Variants in PDZRN3 observed in about 807,000 individuals in gnomAD.
PDZRN3 encodes E3 ubiquitin-protein ligase PDZRN3.
PDZRN3 carries 38 observed loss-of-function variants against 85.7 expected under a neutral mutation model. The ratio of observed to expected loss-of-function variants is 0.44; its 90% CI spans 0.34 to 0.58. The LOEUF (loss-of-function observed/expected upper bound fraction) is 0.58. PDZRN3 is among the 20% of genes least tolerant of loss of function. The pLI, the probability that PDZRN3 is intolerant of heterozygous loss-of-function variation, is 0.01. For missense variants in PDZRN3, 1,629 were observed against 1,506.4 expected (o/e 1.08, Z -1.35); for synonymous variants, 759 against 638.0 (o/e 1.19, Z -2.86).
Position 73,383,932 on chromosome 3 carries a change from C to CTGGGCGTGCGCCGGGATG in PDZRN3, c.2616_2633dup (p.His872_Ala877dup), listed in dbSNP as rs1442818795. The CTGGGCGTGCGCCGGGATG allele has an allele frequency of 6.2e-7, 1 of 1,608,036 alleles. No homozygotes were observed. Among genetic ancestry groups the CTGGGCGTGCGCCGGGATG allele is most frequent in the East Asian group, 2.2e-5 (1 of 44,792 alleles). On this transcript the variant is annotated inframe_insertion, in exon 10 of 10. Transcript: ENST00000263666. ...TCAGCTGCATGTAGCTCTGGTAGTG[C>CTGGGCGTGCGCCGGGATG]TGGGCGTGCGCCGGGATGTGCGCGT...
chr3:73,552,225 AGTGT>A (rs55784793), intron 3 of PDZRN3, among the ~76,000 whole-genome samples: 64,335 of 147,672 alleles, frequency 0.44, 14,369 homozygotes, highest in Admixed American at 0.53. Flanking sequence ...GAATTAAAGG[AGTGT>A]GTGTGTGTGT....
At chr3:73,499,827 C>A (rs1447310054) in intron 3 of PDZRN3, among the ~76,000 whole-genome samples, 5 of 152,096 alleles carry the variant, frequency 3.3e-5, no homozygotes, top group African/African-American at 1.2e-4. Flanking sequence ...GACATAACTT[C>A]CTTGCCTATA....
In PDZRN3 at chr3:73,537,673, G is replaced by A. The variant is rs866550458; in HGVS notation, c.918+64681C>T. On this transcript the variant is annotated intron_variant, in intron 3 of 9. Coordinates refer to ENST00000263666, the MANE Select transcript of PDZRN3 (RefSeq NM_015009.3). ...CTCACTCTGTCGCCCAGGCTGGAGT[G>A]CAGTGGCACCATCTCAGCTCACTGC... Among the ~76,000 whole-genome samples, 6 of 152,166 alleles carry A rather than the reference G, an allele frequency of 3.9e-5. No individual in the cohort carries two copies. The Middle Eastern group carries it at 0.01, about 259-fold the overall frequency.
At chr3:73,508,442 T>C (rs141133434) in intron 3 of PDZRN3, among the ~76,000 whole-genome samples, 9 of 152,306 alleles carry the variant, frequency 5.9e-5, no homozygotes, top group Non-Finnish European at 1.0e-4. Context: ...CCTTGCAGAA[T>C]TCTGTCATCG....
intron 3 of PDZRN3, among the ~76,000 whole-genome samples, chr3:73,574,678 C>A (rs1021198118): frequency 6.6e-6 from 1 of 152,222 alleles, no homozygotes; most frequent in Non-Finnish European, 1.5e-5. Context: ...AGGCCGGTCT[C>A]AAACTCCTGA....
rs1056020235 is a variant in PDZRN3 at position 73,401,223 on chromosome 3, A to C, written c.1167-214T>G. 10 of 505,332 alleles carry C rather than the reference A, an allele frequency of 2.0e-5. No homozygotes were observed. In the Admixed American group the frequency reaches 2.2e-4, roughly 11 times the overall value. The allele number at this position is 505,332 out of a possible 1,614,324, so 31.3% of individuals were successfully genotyped here. The stretch of plus-strand genomic sequence containing the variant: ...TAGTACATTTCCTCCTGAAGGACTT[A>C]AGATGCAAAGTGCAAGCCTGATGGG... On this transcript the variant is annotated intron_variant, in intron 4 of 9. Transcript: ENST00000263666.
intron 3 of PDZRN3, among the ~76,000 whole-genome samples, chr3:73,426,126 G>A (rs1290642907): frequency 6.6e-6 from 1 of 152,074 alleles, no homozygotes; most frequent in Non-Finnish European, 1.5e-5. Flanking sequence ...TAATGCTGGA[G>A]CCTGGAGTGA....
chr3:73,479,742 G>C (rs1401209862), intron 3 of PDZRN3, among the ~76,000 whole-genome samples: 1 of 152,210 alleles, frequency 6.6e-6, no homozygotes, highest in Non-Finnish European at 1.5e-5. Flanking sequence ...CCAGGCCTGT[G>C]CTCCCAATGC....
At chr3:73,439,303 T>C (rs928541598) in intron 3 of PDZRN3, among the ~76,000 whole-genome samples, 3 of 152,214 alleles carry the variant, frequency 2.0e-5, no homozygotes, top group Non-Finnish European at 4.4e-5. Context: ...AGATGGACTA[T>C]AGTGTCTGAC....
chr3:73,551,538 C>CTGGGCATGGTGGCA (rs921653691), intron 3 of PDZRN3, among the ~76,000 whole-genome samples: 1 of 151,908 alleles, frequency 6.6e-6, no homozygotes, highest in African/African-American at 2.4e-5. Context: ...AAAAAATTAG[C>CTGGGCATGGTGGCA]TGGGCATGGT....
At chr3:73,477,828 G>A (rs560273492) in intron 3 of PDZRN3, among the ~76,000 whole-genome samples, 2 of 152,138 alleles carry the variant, frequency 1.3e-5, no homozygotes, top group African/African-American at 2.4e-5. Context: ...GAAGCCTCAC[G>A]ATCATGGCGG....
At chr3:73,597,814 T>C (rs929130008) in intron 3 of PDZRN3, among the ~76,000 whole-genome samples, 1 of 151,800 alleles carries the variant, frequency 6.6e-6, no homozygotes, top group African/African-American at 2.4e-5. Context: ...AATTTGCTGG[T>C]TTCTTAGTAG....
rs1383429601 is a variant in PDZRN3 at position 73,400,968 on chromosome 3, A to G, written c.1208T>C (p.Ile403Thr). The G allele has an allele frequency of 1.2e-5, 19 of 1,613,786 alleles. No homozygotes were observed. Among genetic ancestry groups the G allele is most frequent in the Middle Eastern group, 1.7e-4 (1 of 6,060 alleles). The change falls in exon 5 of 10, where the codon ATT (isoleucine) becomes ACT (threonine). Residue 403 changes from isoleucine (I) to threonine (T), a missense_variant. Coordinates refer to ENST00000263666, the MANE Select transcript of PDZRN3 (RefSeq NM_015009.3). ...AHEYYDPNDY[I>T]GDIHQEMDRE... is the part of the protein sequence containing the mutation. ...GTCCATCTCCTGATGGATGTCTCCA[A>G]TGTAGTCATTTGGATCGTAGTATTC... is the stretch of plus-strand genomic sequence containing the variant.
At position 73,469,388 on chromosome 3, in the gene PDZRN3, T is replaced by C. The variant is rs117021630; in HGVS notation, c.919-64993A>G. 2.6e-4 allele frequency among the ~76,000 whole-genome samples: 39 copies of C among 152,342 alleles called. No homozygotes were observed. The East Asian group carries it at 7.3e-3, about 29-fold the overall frequency. On this transcript the variant is annotated intron_variant, in intron 3 of 9. Transcript: ENST00000263666. ...TCCCGGTCATGATTCATCTCTTTAA[T>C]ACGAATGAGATCTGAACAACTCTAG...
At chr3:73,608,265 G>A (rs76411067) in intron 2 of PDZRN3, among the ~76,000 whole-genome samples, 4,616 of 152,214 alleles carry the variant, frequency 0.03, 221 homozygotes, top group African/African-American at 0.1. Flanking sequence ...GACGGTGGCT[G>A]GTTACCCAGT....
chr3:73,552,225 A>AGT (rs55784793), intron 3 of PDZRN3, among the ~76,000 whole-genome samples: 7,289 of 147,742 alleles, frequency 0.049, 277 homozygotes, highest in African/African-American at 0.11. Flanking sequence ...GAATTAAAGG[A>AGT]GTGTGTGTGT....
rs1424364321 is a variant in PDZRN3, at chr3:73,382,676, T to A, written c.*689A>T. The A allele has an allele frequency of 3.9e-5, 6 of 152,664 alleles. No homozygotes were observed. The highest frequency in any genetic ancestry group is 5.9e-5 in the Non-Finnish European group (4 of 68,042). The allele number at this position is 152,664 out of a possible 1,614,324, so 9.5% of individuals were successfully genotyped here. On this transcript the variant is annotated 3_prime_UTR_variant, in exon 10 of 10. Transcript: ENST00000263666. ...AACTTTCCTGTACATGCAAATTCTT[T>A]CAATGGGCTGCAATATTTGCAAACA... is the stretch of plus-strand genomic sequence containing the variant.
chr3:73,602,516 A>C lies in PDZRN3; in HGVS notation c.811-55T>G, dbSNP rs1702530676. On this transcript the variant is annotated intron_variant, in intron 2 of 9. Coordinates refer to ENST00000263666, the MANE Select transcript of PDZRN3 (RefSeq NM_015009.3). ...ATGCTAGGCATTAAGTTGAGCATGA[A>C]AGTAAAGCTTGCACTCTTAAAACAG... 4.4e-6 allele frequency: 4 copies of C among 912,964 alleles called. No individual in the cohort carries two copies. The Admixed American group carries it at 7.4e-5, about 17-fold the overall frequency. 56.6% of individuals were successfully genotyped at this position (912,964 alleles called of 1,614,324 possible). A position where few individuals can be genotyped will look rare whatever the true frequency, so the allele number is the denominator to read the frequency against.
intron 3 of PDZRN3, among the ~76,000 whole-genome samples, chr3:73,420,733 GAA>G (rs1313113723): frequency 6.6e-6 from 1 of 152,096 alleles, no homozygotes; most frequent in Non-Finnish European, 1.5e-5. Flanking sequence ...ACCTTCTCTA[GAA>G]ATGCTGGCTT....
Sources: allele counts gnomAD v4.1 joint callset (sites outside exome capture counted in the v4.1 genomes callset), GRCh38; gene constraint gnomAD v4.1.1; transcripts MANE v1.5; gene names NCBI Gene and HGNC (gene_info 2026-07-23, HGNC 2026-07-21).